The following WDPCP variants were observed in gnomAD, a reference collection of about 807,000 sequenced individuals.
WDPCP encodes the protein WD repeat-containing and planar cell polarity effector protein fritz homolog.
A neutral mutation model predicts 93.1 loss-of-function variants in WDPCP; 71 were observed. The observed-to-expected ratio is 0.76, with a 90% CI of 0.63 to 0.93. WDPCP has a LOEUF of 0.93. WDPCP is among the 40% of genes least tolerant of loss of function. The pLI, the probability that WDPCP is intolerant of heterozygous loss-of-function variation, is 0.00. For synonymous variants in WDPCP, 315 were observed against 315.0 expected (o/e 1.00, Z 0.00); for missense variants, 844 against 887.4 (o/e 0.95, Z 0.62).
At chr2:63,617,737 T>G (rs1233087714) in intron 3 of WDPCP, among the ~76,000 whole-genome samples, 2 of 152,218 alleles carry the variant, frequency 1.3e-5, no homozygotes, top group African/African-American at 4.8e-5. Flanking sequence ...CCTTTATAAA[T>G]GTAAATTTCC....
At chr2:63,353,349 G>A (rs1195773735) in intron 12 of WDPCP, among the ~76,000 whole-genome samples, 3 of 152,168 alleles carry the variant, frequency 2.0e-5, no homozygotes, top group Non-Finnish European at 4.4e-5. Context: ...CCCTAGGAAA[G>A]AGGCTGAATC....
At chr2:63,529,651 A>G (rs953047080) in intron 1 of WDPCP, among the ~76,000 whole-genome samples, 2 of 152,180 alleles carry the variant, frequency 1.3e-5, no homozygotes, top group African/African-American at 4.8e-5. Flanking sequence ...ATTGATGTTC[A>G]TCAGGGATAC....
chr2:63,326,655 TGACAGAGA>T (rs1479855181), intron 12 of WDPCP, among the ~76,000 whole-genome samples: 2 of 131,526 alleles, frequency 1.5e-5, no homozygotes, highest in African/African-American at 6.1e-5. Flanking sequence ...GGAGAGGAAG[TGACAGAGA>T]GACAGAGAGA....
intron 3 of WDPCP, among the ~76,000 whole-genome samples, chr2:63,639,521 C>A (rs1028823580): frequency 6.6e-6 from 1 of 152,206 alleles, no homozygotes; most frequent in African/African-American, 2.4e-5. Context: ...GAGAGTCAAA[C>A]TGGCTTTTAT....
At chr2:63,763,864 G>A (rs1445280357) in intron 2 of WDPCP, among the ~76,000 whole-genome samples, 2 of 152,126 alleles carry the variant, frequency 1.3e-5, no homozygotes, top group Non-Finnish European at 2.9e-5. Context: ...ACAGGGTGGT[G>A]GTGTTGGGGG....
intron 2 of WDPCP, among the ~76,000 whole-genome samples, chr2:63,689,398 C>A (rs950604696): frequency 3.9e-5 from 6 of 152,068 alleles, no homozygotes; most frequent in African/African-American, 9.7e-5. Context: ...CACTGAAAAG[C>A]TTTTCAGTGG....
chr2:63,793,317 T>C (rs1670569246), intron 2 of WDPCP, among the ~76,000 whole-genome samples: 1 of 152,146 alleles, frequency 6.6e-6, no homozygotes, highest in Non-Finnish European at 1.5e-5. Flanking sequence ...TCCAAAATGA[T>C]TGAAATGAGG....
chr2:63,139,466 C>T (rs191022355), intron 17 of WDPCP, among the ~76,000 whole-genome samples: 1 of 152,264 alleles, frequency 6.6e-6, no homozygotes, highest in East Asian at 1.9e-4. Context: ...CCCTGTTCAC[C>T]ACATCCACGC....
In WDPCP at chr2:63,153,565, A is replaced by G; in HGVS notation, c.2088T>C (p.Ile696=). The change falls in exon 16 of 18, where the codon ATT becomes ATC. Residue 696 remains isoleucine, a synonymous_variant. Coordinates refer to ENST00000272321, the MANE Select transcript of WDPCP (RefSeq NM_015910.7). ...CTTTTTCAAGTTCATTCCTTCTGTC[A>G]ATTATTTGTCTGCAGTATATGGGTG... The part of the protein sequence containing the change: ...ILNGSSNRQI[I]DRRNELEKDI... 1 of 1,612,178 alleles carries G rather than the reference A, an allele frequency of 6.2e-7. No individual in the cohort carries two copies.
At chr2:63,376,163 T>C (rs916467287) in intron 12 of WDPCP, among the ~76,000 whole-genome samples, 1 of 151,982 alleles carries the variant, frequency 6.6e-6, no homozygotes, top group African/African-American at 2.4e-5. Context: ...TCTTCAAAAC[T>C]TTTGTTTCTT....
intron 1 of WDPCP, among the ~76,000 whole-genome samples, chr2:63,498,003 C>T (rs1350601726): frequency 6.6e-6 from 1 of 151,928 alleles, no homozygotes; most frequent in Non-Finnish European, 1.5e-5. Context: ...CAATATAACC[C>T]AATGCACATG....
intron 9 of WDPCP, among the ~76,000 whole-genome samples, chr2:63,424,373 C>A (rs1696098829): frequency 6.6e-6 from 1 of 152,066 alleles, no homozygotes; most frequent in African/African-American, 2.4e-5. Context: ...GACCACTGAG[C>A]CAGGAGAGAA....
At chr2:63,742,555 G>T (rs1435006622) in intron 2 of WDPCP, among the ~76,000 whole-genome samples, 4 of 151,372 alleles carry the variant, frequency 2.6e-5, no homozygotes. Context: ...TGCATTAAAA[G>T]CCTCGTCTTG....
chr2:63,335,930 G>A lies in WDPCP; in HGVS notation c.1749-22619C>T, dbSNP rs183583081. Among the ~76,000 whole-genome samples, 1,212 of 152,220 alleles carry A rather than the reference G, an allele frequency of 8.0e-3. 6 individuals are homozygous for A. The highest frequency in any genetic ancestry group is 0.013 in the Non-Finnish European group (903 of 68,002). ...CAAAATGGCAACGAGAGCGACCTCT[G>A]GTCATCCTCATTGCTACACTCCCAC... On this transcript the variant is annotated intron_variant, in intron 12 of 17. Coordinates refer to ENST00000272321, the MANE Select transcript of WDPCP (RefSeq NM_015910.7).
intron 12 of WDPCP, among the ~76,000 whole-genome samples, chr2:63,354,262 G>C (rs987554508): frequency 1.3e-5 from 2 of 152,176 alleles, no homozygotes; most frequent in African/African-American, 4.8e-5. Flanking sequence ...TGATTGCACT[G>C]AGTGATTGCT....
At chr2:63,622,849 G>A (rs993659147) in intron 3 of WDPCP, 29 of 1,594,150 alleles carry the variant, frequency 1.8e-5, no homozygotes, top group Non-Finnish European at 2.4e-5. Context: ...GCCGAAGTGG[G>A]CTCAGCACCC....
chr2:63,588,968 A>G (rs990800785), upstream of WDPCP: 45 of 1,605,962 alleles, frequency 2.8e-5, no homozygotes, highest in African/African-American at 5.7e-4. Context: ...TCTCCGAGTC[A>G]GTTCCGCGGT....
intron 14 of WDPCP, among the ~76,000 whole-genome samples, chr2:63,185,397 C>A (rs910700999): frequency 4.0e-5 from 6 of 151,794 alleles, no homozygotes; most frequent in Non-Finnish European, 5.9e-5. Context: ...GACTTCCCCC[C>A]CTCTCCCCCA....
chr2:63,172,681 A>C (rs548622273), intron 15 of WDPCP, among the ~76,000 whole-genome samples: 1 of 152,334 alleles, frequency 6.6e-6, no homozygotes, highest in African/African-American at 2.4e-5. Flanking sequence ...AAGACAGAGA[A>C]TGTCCAAACT....
Sources: gnomAD v4.1 joint callset for allele counts (sites outside exome capture counted in the v4.1 genomes callset) on GRCh38, gnomAD v4.1.1 for gene constraint, MANE v1.5 for transcripts, NCBI Gene and HGNC (gene_info 2026-07-23, HGNC 2026-07-21) for gene names.